CAPZB: variants seen among roughly 807,000 people sequenced by gnomAD.
CAPZB encodes the protein F-actin-capping protein subunit beta.
CAPZB carries 2 observed loss-of-function variants against 38.1 expected under a neutral mutation model. The ratio of observed to expected loss-of-function variants is 0.05; its 90% CI spans 0.02 to 0.17. CAPZB has a LOEUF of 0.17. Among genes scored for constraint, CAPZB ranks in the 10% least tolerant of loss-of-function variants. The pLI is 1.00. For synonymous variants in CAPZB, 107 were observed against 127.4 expected, an observed-to-expected ratio of 0.84 and a Z score of 1.08; for missense variants, 161 against 334.2, an observed-to-expected ratio of 0.48 and a Z score of 4.04.
chr1:19,345,467 T>C (rs1000722000), intron 6 of CAPZB, among the ~76,000 whole-genome samples: 6 of 151,902 alleles, frequency 3.9e-5, no homozygotes, highest in Admixed American at 3.3e-4. Flanking sequence ...AAGCCCAGAG[T>C]CCCACTTCCA....
intron 8 of CAPZB, among the ~76,000 whole-genome samples, chr1:19,343,133 G>A (rs1030114036): frequency 1.3e-5 from 2 of 152,206 alleles, no homozygotes; most frequent in Non-Finnish European, 2.9e-5. Context: ...GACTGTGCAG[G>A]TTGGCTGGGC....
At chr1:19,415,448 C>T (rs954654950) in intron 2 of CAPZB, among the ~76,000 whole-genome samples, 2 of 152,200 alleles carry the variant, frequency 1.3e-5, no homozygotes, top group African/African-American at 4.8e-5. Flanking sequence ...TTCAATGCTA[C>T]AACAGTATAC....
intron 1 of CAPZB, among the ~76,000 whole-genome samples, chr1:19,437,835 C>T (rs1016858441): frequency 6.6e-6 from 1 of 152,186 alleles, no homozygotes; most frequent in African/African-American, 2.4e-5. Context: ...TTTTTAAATA[C>T]TTAGCTCATA....
chr1:19,373,235 C>A (rs1422071888), intron 4 of CAPZB, among the ~76,000 whole-genome samples: 1 of 152,098 alleles, frequency 6.6e-6, no homozygotes, highest in East Asian at 1.9e-4. Flanking sequence ...CACGGCTCAG[C>A]CCCCTGCACC....
At chr1:19,402,490 G>A (rs949361750) in intron 2 of CAPZB, among the ~76,000 whole-genome samples, 3 of 152,196 alleles carry the variant, frequency 2.0e-5, no homozygotes, top group African/African-American at 7.2e-5. Context: ...CAGAGTGTGC[G>A]CCCATCACCT....
chr1:19,339,438 G>A lies in CAPZB; in HGVS notation c.*92C>T. Reference sequence around the variant, plus strand: ...CAGCTGTTATGTGACCTGTCGGGGAGGGAAGGGACGAGGGAAGGGAGCAGA... The same window carrying A: ...CAGCTGTTATGTGACCTGTCGGGGAAGGAAGGGACGAGGGAAGGGAGCAGA... On this transcript the variant is annotated 3_prime_UTR_variant, in exon 9 of 9. Coordinates refer to ENST00000264202, the MANE Select transcript of CAPZB (RefSeq NM_004930.5). The A allele has an allele frequency of 2.2e-6, 2 of 902,174 alleles. No individual in the cohort carries two copies. The highest frequency in any genetic ancestry group is 1.3e-5 in the South Asian group (1 of 75,962). 55.9% of individuals were successfully genotyped at this position (902,174 alleles called of 1,614,324 possible). A position where few individuals can be genotyped will look rare whatever the true frequency, so the allele number is the denominator to read the frequency against.
intron 4 of CAPZB, among the ~76,000 whole-genome samples, chr1:19,377,487 C>T (rs1054097055): frequency 7.2e-5 from 11 of 152,146 alleles, no homozygotes; most frequent in Non-Finnish European, 1.6e-4. Context: ...ATAAAATATT[C>T]GTATATAATA....
At chr1:19,407,783 C>T (rs1313472950) in intron 2 of CAPZB, among the ~76,000 whole-genome samples, 2 of 152,138 alleles carry the variant, frequency 1.3e-5, no homozygotes, top group Admixed American at 6.5e-5. Context: ...CAATGATAAC[C>T]GGGGTCAGCT....
chr1:19,346,726 C>G, intron 6 of CAPZB, among the ~76,000 whole-genome samples: 1 of 150,472 alleles, frequency 6.6e-6, no homozygotes, highest in East Asian at 2.0e-4. Context: ...AACCAAGCCA[C>G]TTTAAACGAC....
At chr1:19,381,168 C>T (rs895237476) in intron 3 of CAPZB, among the ~76,000 whole-genome samples, 3 of 151,332 alleles carry the variant, frequency 2.0e-5, no homozygotes, top group African/African-American at 7.3e-5. Flanking sequence ...GACTCCATCT[C>T]GGGGAAACAA....
At chr1:19,476,195 G>C in intron 1 of CAPZB, among the ~76,000 whole-genome samples, 1 of 137,570 alleles carries the variant, frequency 7.3e-6, no homozygotes, top group South Asian at 2.1e-4. Flanking sequence ...TAGATAGATA[G>C]ATAGATAGAT....
chr1:19,455,569 A>G (rs1176715705), intron 1 of CAPZB, among the ~76,000 whole-genome samples: 1 of 152,132 alleles, frequency 6.6e-6, no homozygotes, highest in Non-Finnish European at 1.5e-5. Flanking sequence ...AGTGCCCTCC[A>G]ATCCGTCACA....
chr1:19,467,027 C>G (rs1258382824), intron 1 of CAPZB, among the ~76,000 whole-genome samples: 2 of 152,038 alleles, frequency 1.3e-5, no homozygotes, highest in African/African-American at 4.8e-5. Context: ...TCCCAAGTAG[C>G]TGGGACTCCA....
intron 1 of CAPZB, among the ~76,000 whole-genome samples, chr1:19,480,019 G>A (rs570457591): frequency 4.6e-5 from 7 of 152,262 alleles, no homozygotes; most frequent in African/African-American, 7.2e-5. Context: ...CCCCCAAGCC[G>A]ACTGCAGGCT....
Position 19,356,451 on chromosome 1 carries a change from T to C in CAPZB, c.588+184A>G, listed in dbSNP as rs933715464. On this transcript the variant is annotated intron_variant, in intron 6 of 8. Transcript: ENST00000264202. This position sits in a 1 kb window ranked among gnomAD's most constrained non-coding sequence, Gnocchi z 4.3. ...GAGGCCAGCAGAGTGCCAGCAGCTG[T>C]GGGCAACCTTGCACAGCCCAGAGAG... is the stretch of plus-strand genomic sequence containing the variant. 1.3e-5 allele frequency among the ~76,000 whole-genome samples: 2 copies of C among 152,214 alleles called. No individual in the cohort carries two copies. The highest frequency in any genetic ancestry group is 2.9e-5 in the Non-Finnish European group (2 of 68,034).
intron 1 of CAPZB, among the ~76,000 whole-genome samples, chr1:19,440,275 C>G (rs1287827312): frequency 1.3e-5 from 2 of 152,086 alleles, no homozygotes; most frequent in Non-Finnish European, 2.9e-5. Context: ...TGGGCTCAAG[C>G]GATCCACCTG....
chr1:19,419,142 T>C (rs1452867686), intron 2 of CAPZB, among the ~76,000 whole-genome samples: 5 of 152,328 alleles, frequency 3.3e-5, no homozygotes, highest in East Asian at 1.9e-4. Flanking sequence ...TAAAAATCTA[T>C]GAAAATGAAT....
intron 1 of CAPZB, among the ~76,000 whole-genome samples, chr1:19,476,167 AGTAGATAGATAG>A (rs1429559786): frequency 1.4e-5 from 2 of 142,436 alleles, no homozygotes; most frequent in African/African-American, 5.2e-5. Flanking sequence ...CTAAAAAATA[AGTAGATAGATAG>A]ATAGATAGAT....
intron 1 of CAPZB, among the ~76,000 whole-genome samples, chr1:19,448,518 T>C (rs1257811900): frequency 6.6e-6 from 1 of 152,200 alleles, no homozygotes; most frequent in East Asian, 1.9e-4. Context: ...CTGGTTGCAG[T>C]TGGGGCACTG....
Sources: allele counts gnomAD v4.1 joint callset (sites outside exome capture counted in the v4.1 genomes callset), GRCh38; gene constraint gnomAD v4.1.1; non-coding constraint Gnocchi (gnomAD v3.1); transcripts MANE v1.5; gene names NCBI Gene and HGNC (gene_info 2026-07-23, HGNC 2026-07-21).